The following ARHGEF10L variants were observed in gnomAD, a reference collection of about 807,000 sequenced individuals.
ARHGEF10L encodes the protein Rho guanine nucleotide exchange factor 10 like.
In ARHGEF10L, 69 loss-of-function variants were observed where a neutral mutation model predicts 141.2. The observed-to-expected ratio is 0.49, with a 90% CI of 0.40 to 0.60. ARHGEF10L has a LOEUF of 0.60. Ranked by LOEUF, ARHGEF10L falls within the 20% of genes least tolerant of loss-of-function variation. The probability of loss-of-function intolerance (pLI) is 0.00; values close to 1 mark genes in which losing one functional copy is unlikely to be tolerated. For missense variants in ARHGEF10L, 1,482 were observed against 1,734.3 expected, an observed-to-expected ratio of 0.85 and a Z score of 2.58; for synonymous variants, 711 against 718.5, an observed-to-expected ratio of 0.99 and a Z score of 0.17.
At position 17,645,004 on chromosome 1, in the gene ARHGEF10L, G is replaced by A. The variant is rs558095889; in HGVS notation, c.2273-3550G>A. On this transcript the variant is annotated intron_variant, in intron 21 of 28. Coordinates refer to ENST00000361221, the MANE Select transcript of ARHGEF10L (RefSeq NM_018125.4). Reference sequence around the variant, plus strand: ...TTGGAGACTGAGGTGGGATCTGCCCGGGCCCTTCTAGCAGATCAGAGGGGA... The same window carrying A: ...TTGGAGACTGAGGTGGGATCTGCCCAGGCCCTTCTAGCAGATCAGAGGGGA... Among the ~76,000 whole-genome samples the A allele has an allele frequency of 2.0e-5, 3 of 152,234 alleles. No homozygotes were observed. The South Asian group carries it at 6.2e-4, about 32-fold the overall frequency.
chr1:17,561,920 G>A (rs1358551537), intron 1 of ARHGEF10L, among the ~76,000 whole-genome samples: 1 of 152,214 alleles, frequency 6.6e-6, no homozygotes, highest in Non-Finnish European at 1.5e-5. Flanking sequence ...GGGAGGCCGA[G>A]CAAAGGCATC....
chr1:17,520,749 G>A, the ARHGEF10L span, among the ~76,000 whole-genome samples: 7 of 152,228 alleles, frequency 4.6e-5, no homozygotes, highest in Admixed American at 2.0e-4. Flanking sequence ...CTGCAAGGGC[G>A]TGTGTAGGGG....
intron 7 of ARHGEF10L, among the ~76,000 whole-genome samples, chr1:17,608,456 T>TG (rs1279576596): frequency 3.3e-5 from 5 of 152,224 alleles, no homozygotes; most frequent in Non-Finnish European, 5.9e-5. Context: ...GAGTGGGGGC[T>TG]GCTGTGGCTA....
At chr1:17,695,093 G>T in intron 27 of ARHGEF10L, 65 bp from the exon 28 acceptor site, 2 of 1,606,094 alleles carry the variant, frequency 1.2e-6, no homozygotes, top group Non-Finnish European at 8.5e-7. Flanking sequence ...TCATCTCGTG[G>T]TGGTACCCAG....
the ARHGEF10L span, among the ~76,000 whole-genome samples, chr1:17,519,727 C>A: frequency 6.6e-6 from 1 of 151,442 alleles, no homozygotes. Context: ...CCCAGCTACT[C>A]GGGAGGCTGA....
chr1:17,635,421 T>G (rs2060939491), intron 18 of ARHGEF10L, among the ~76,000 whole-genome samples: 1 of 152,182 alleles, frequency 6.6e-6, no homozygotes, highest in Non-Finnish European at 1.5e-5. Flanking sequence ...GGCTTCCCAT[T>G]GCCGGTCCTG....
At chr1:17,582,354 C>T (rs1241190683) in intron 2 of ARHGEF10L, among the ~76,000 whole-genome samples, 5 of 152,192 alleles carry the variant, frequency 3.3e-5, no homozygotes, top group African/African-American at 1.2e-4. Context: ...GTTCAGCAAA[C>T]ATTTGACAAA....
rs1191127388 is a variant in ARHGEF10L, at chr1:17,588,349, G to T, written c.224-97G>T. ...CCCAGACTGGCCAGGCCCTGTCTGC[G>T]GCGCCCCTGGGGAGGCTGGGAAAGG... On this transcript the variant is annotated intron_variant, in intron 3 of 28. Transcript: ENST00000361221. 178 of 1,387,236 alleles carry T rather than the reference G, an allele frequency of 1.3e-4. 1 individual carries two copies. Among genetic ancestry groups the T allele is most frequent in the Middle Eastern group, 2.4e-4 (1 of 4,186 alleles). 85.9% of individuals were successfully genotyped at this position (1,387,236 alleles called of 1,614,324 possible). A position where few individuals can be genotyped will look rare whatever the true frequency, so the allele number is the denominator to read the frequency against.
chr1:17,637,988 G>A lies in ARHGEF10L; in HGVS notation c.2028G>A (p.Leu676=). 2 of 1,590,166 alleles carry A rather than the reference G, an allele frequency of 1.3e-6. No homozygotes were observed. Among genetic ancestry groups the A allele is most frequent in the Admixed American group, 1.8e-5 (1 of 56,812 alleles). Residue 676 remains leucine, a synonymous_variant, in exon 19 of 29, where the codon CTG becomes CTA. Transcript: ENST00000361221. ...AGATCACGCTTCTCATCAGCACGCT[G>A]CACGGCACCTACCAGGTACGTGGCC... ...VEQITLLIST[L]HGTYQNLNMT...
intron 27 of ARHGEF10L, chr1:17,694,855 A>T: frequency 1.8e-6 from 1 of 551,682 alleles, no homozygotes; most frequent in Non-Finnish European, 3.4e-6. Context: ...GCCGCCGTGT[A>T]TTGAGAGCGC....
At chr1:17,663,478 G>A (rs554353384) in intron 25 of ARHGEF10L, among the ~76,000 whole-genome samples, 8 of 151,908 alleles carry the variant, frequency 5.3e-5, no homozygotes, top group Admixed American at 3.9e-4. Context: ...GCTGGAACCC[G>A]GGGAGGCAGA....
chr1:17,587,669 G>T lies in ARHGEF10L; in HGVS notation c.223+24G>T, dbSNP rs371680369. On this transcript the variant is annotated intron_variant, in intron 3 of 28. Coordinates refer to ENST00000361221, the MANE Select transcript of ARHGEF10L (RefSeq NM_018125.4). ...TGGTAAGATGTTTCTGGGAACTTCC[G>T]GTCCTGGGGCTACAGGGAGCATGGA... The T allele has an allele frequency of 1.9e-6, 3 of 1,591,964 alleles. No homozygotes were observed. In the East Asian group the frequency reaches 6.8e-5, roughly 36 times the overall value.
intron 1 of ARHGEF10L, among the ~76,000 whole-genome samples, chr1:17,554,324 C>T (rs1570431941): frequency 6.6e-6 from 1 of 152,096 alleles, no homozygotes; most frequent in East Asian, 1.9e-4. Flanking sequence ...GGGCAGGCCT[C>T]AGCTATTTAC....
Position 17,607,665 on chromosome 1 carries a change from G to T in ARHGEF10L, c.434-137G>T. 1 of 816,940 alleles carries T rather than the reference G, an allele frequency of 1.2e-6. No homozygotes were observed. Among genetic ancestry groups the T allele is most frequent in the Non-Finnish European group, 1.8e-6 (1 of 566,988 alleles). 50.6% of individuals were successfully genotyped at this position (816,940 alleles called of 1,614,324 possible). The stretch of plus-strand genomic sequence containing the variant: ...TCTTCGTTTCATGGTTGAGGAGGTA[G>T]AGCTGGAGCCCCAGGGCCCCCATGT... On this transcript the variant is annotated intron_variant, in intron 6 of 28. Coordinates refer to ENST00000361221, the MANE Select transcript of ARHGEF10L (RefSeq NM_018125.4). This position sits in a 1 kb window ranked among gnomAD's most constrained non-coding sequence, Gnocchi z 4.5.
chr1:17,632,662 C>T (rs1003173954), intron 16 of ARHGEF10L, among the ~76,000 whole-genome samples, 196 bp downstream of exon 16: 14 of 152,212 alleles, frequency 9.2e-5, no homozygotes, highest in Non-Finnish European at 1.8e-4. Flanking sequence ...GAGCAGTCAT[C>T]GGGGGCAGCC....
chr1:17,643,183 C>G (rs896701902), intron 21 of ARHGEF10L, among the ~76,000 whole-genome samples: 1 of 152,140 alleles, frequency 6.6e-6, no homozygotes, highest in Non-Finnish European at 1.5e-5. Context: ...TAATATGAGC[C>G]TGTTAGAAAT....
intron 27 of ARHGEF10L, chr1:17,691,039 C>A: frequency 2.4e-6 from 1 of 425,076 alleles, no homozygotes; most frequent in Admixed American, 2.8e-5. Context: ...CACTTCCTTC[C>A]CCTGACCCCT....
In ARHGEF10L at chr1:17,539,850, T is replaced by C. The variant is rs1288733855; in HGVS notation, c.-144T>C. The C allele has an allele frequency of 2.7e-5, 4 of 146,964 alleles. No homozygotes were observed. Among genetic ancestry groups the C allele is most frequent in the Non-Finnish European group, 4.5e-5 (3 of 66,174 alleles). The allele number at this position is 146,964 out of a possible 1,614,324, so 9.1% of individuals were successfully genotyped here. A position where few individuals can be genotyped will look rare whatever the true frequency, so the allele number is the denominator to read the frequency against. The stretch of plus-strand genomic sequence containing the variant: ...GGCGGTGGGGGCGCCGTCCCGGCCA[T>C]GGGCGCCCGCGGCGGCCTGCGGAGC... On this transcript the variant is annotated 5_prime_UTR_variant, in exon 1 of 29. It removes an upstream start codon present in the reference 5' UTR. Transcript: ENST00000361221. This position sits in a 1 kb window ranked among gnomAD's most constrained non-coding sequence, Gnocchi z 6.0.
rs199665311 is a variant in ARHGEF10L, at chr1:17,634,521, C to T, written c.1731-27C>T. On this transcript the variant is annotated intron_variant, in intron 16 of 28. Transcript: ENST00000361221. ...AGCCACTCCATTGTAATAACAATCT[C>T]CCTTTCCTTCTTGTCTTTTTTCCCA... 1.9e-3 allele frequency: 3,052 copies of T among 1,614,184 alleles called. 4 individuals carry two copies. Among genetic ancestry groups the T allele is most frequent in the Non-Finnish European group, 2.4e-3 (2,860 of 1,180,018 alleles).
Sources: allele counts gnomAD v4.1 joint callset (sites outside exome capture counted in the v4.1 genomes callset), GRCh38; gene constraint gnomAD v4.1.1; non-coding constraint Gnocchi (gnomAD v3.1); transcripts MANE v1.5; gene names NCBI Gene and HGNC (gene_info 2026-07-23, HGNC 2026-07-21).